The following LYAR variants were observed in gnomAD, a reference collection of about 807,000 sequenced individuals.
LYAR encodes Ly1 antibody reactive.
A neutral mutation model predicts 45.2 loss-of-function variants in LYAR; 37 were observed. That is an observed-to-expected ratio of 0.82 (90% CI 0.63 to 1.08). The LOEUF (loss-of-function observed/expected upper bound fraction) is 1.08. Among genes scored for constraint, LYAR ranks in the 50% least tolerant of loss-of-function variants. The probability of loss-of-function intolerance (pLI) is 0.00; values close to 1 mark genes in which losing one functional copy is unlikely to be tolerated. For missense variants in LYAR, 493 were observed against 451.0 expected, an observed-to-expected ratio of 1.09 and a Z score of -0.84; for synonymous variants, 176 against 155.1, an observed-to-expected ratio of 1.14 and a Z score of -1.00.
chr4:4,285,197 C>T (rs1462642200), intron 2 of LYAR, among the ~76,000 whole-genome samples: 6 of 152,152 alleles, frequency 3.9e-5, no homozygotes, highest in African/African-American at 1.2e-4. Flanking sequence ...TCCCAGGCCC[C>T]GCTCCTCAGC....
At chr4:4,270,110 G>A (rs1718872742) in intron 8 of LYAR, among the ~76,000 whole-genome samples, 1 of 151,880 alleles carries the variant, frequency 6.6e-6, no homozygotes, top group African/African-American at 2.4e-5. Context: ...TAACTACCCA[G>A]GAAGATTGCT....
chr4:4,274,529 T>C lies in LYAR; in HGVS notation c.670A>G (p.Lys224Glu), dbSNP rs1719099176. The change falls in exon 7 of 10, where the codon AAA (lysine) becomes GAA (glutamate). Residue 224 changes from lysine to glutamate, a missense_variant. Lys to Glu is a moderately conservative substitution (Grantham distance 56). Coordinates refer to ENST00000343470, the MANE Select transcript of LYAR (RefSeq NM_017816.3). ...NSRNQKPKKR[K>E]KGQEADLEAG... ...TCAAGGTCAGCCTCCTGTCCCTTTT[T>C]GCGCTTCTTAGGCTTCTGATTCCTT... is the stretch of plus-strand genomic sequence containing the variant. 3 of 1,614,130 alleles carry C rather than the reference T, an allele frequency of 1.9e-6. No individual in the cohort carries two copies. Among genetic ancestry groups the C allele is most frequent in the East Asian group, 2.2e-5 (1 of 44,894 alleles).
chr4:4,283,530 T>C, intron 3 of LYAR, 91 bp downstream of exon 3: 1 of 1,340,676 alleles, frequency 7.5e-7, no homozygotes, highest in Non-Finnish European at 1.0e-6. Flanking sequence ...ATTCTTCAAA[T>C]TTGCCACTAT....
rs952002436 is a variant in LYAR, at chr4:4,279,362, T to A, written c.429+85A>T. The stretch of plus-strand genomic sequence containing the variant: ...AATAAAAATAAAAAAGAAGGCTGCC[T>A]TGACTTCCAAAAATAAGAAATTCCC... On this transcript the variant is annotated intron_variant, in intron 6 of 9. Coordinates refer to ENST00000343470, the MANE Select transcript of LYAR (RefSeq NM_017816.3). The A allele has an allele frequency of 1.5e-5, 14 of 953,962 alleles. No homozygotes were observed. In the African/African-American group the frequency reaches 1.5e-4, roughly 10 times the overall value. 59.1% of individuals were successfully genotyped at this position (953,962 alleles called of 1,614,324 possible).
chr4:4,268,625 AAAT>A lies in LYAR; in HGVS notation c.920-13_920-11del. 1 of 1,517,838 alleles carries A rather than the reference AAAT, an allele frequency of 6.6e-7. No homozygotes were observed. Among genetic ancestry groups the A allele is most frequent in the Middle Eastern group, 2.0e-4 (1 of 4,982 alleles). The allele number at this position is 1,517,838 out of a possible 1,614,324, so 94.0% of individuals were successfully genotyped here. Reference sequence around the variant, plus strand: ...TTCCAGTTGAATTTACCTACAATATAAATAATAATATTTAAGACATTTCGTTTT... The same window carrying A: ...TTCCAGTTGAATTTACCTACAATATAAATAATATTTAAGACATTTCGTTTT... On this transcript the variant is annotated splice_polypyrimidine_tract_variant and intron_variant, in intron 8 of 9. Transcript: ENST00000343470.
intron 6 of LYAR, among the ~76,000 whole-genome samples, chr4:4,275,605 C>T (rs1719146599): frequency 6.6e-6 from 1 of 151,784 alleles, no homozygotes; most frequent in African/African-American, 2.4e-5. Flanking sequence ...CTATCAAAAC[C>T]GGAAAATTGT....
intron 9 of LYAR, 71 bp from the exon 10 acceptor site, chr4:4,268,094 C>T: frequency 7.5e-7 from 1 of 1,331,490 alleles, no homozygotes; most frequent in Non-Finnish European, 9.9e-7. Context: ...TGTCTTTAAC[C>T]CAGAAATAGA....
At chr4:4,283,499 C>G (rs1053989803) in intron 3 of LYAR, 122 bp downstream of exon 3, 5 of 1,018,554 alleles carry the variant, frequency 4.9e-6, no homozygotes, top group African/African-American at 1.6e-5. Context: ...ATGGAACATA[C>G]CAGTTTTTAG....
chr4:4,280,832 CTATTATCAAATGGAA>C (rs1414290418), intron 4 of LYAR, among the ~76,000 whole-genome samples: 2 of 152,230 alleles, frequency 1.3e-5, no homozygotes, highest in African/African-American at 4.8e-5. Flanking sequence ...CGTTCCAACT[CTATTATCAAATGGAA>C]CGATTACTTT....
At chr4:4,268,440 T>C in intron 9 of LYAR, 90 bp downstream of exon 9, 1 of 880,580 alleles carries the variant, frequency 1.1e-6, no homozygotes, top group Non-Finnish European at 1.8e-6. Context: ...TTCAGTGTTT[T>C]AGGTGAAAAA....
intron 4 of LYAR, among the ~76,000 whole-genome samples, chr4:4,280,531 C>A (rs1190864145): frequency 6.6e-6 from 1 of 152,140 alleles, no homozygotes; most frequent in Non-Finnish European, 1.5e-5. Flanking sequence ...AAACTTATTA[C>A]AAAGCTGTAA....
intron 8 of LYAR, among the ~76,000 whole-genome samples, chr4:4,270,473 C>G (rs901509393): frequency 6.7e-6 from 1 of 149,528 alleles, no homozygotes; most frequent in African/African-American, 2.5e-5. Flanking sequence ...AATTCACAAA[C>G]TGTTATGTCC....
intron 3 of LYAR, among the ~76,000 whole-genome samples, chr4:4,283,139 G>T (rs940437098): frequency 6.6e-6 from 1 of 152,110 alleles, no homozygotes; most frequent in African/African-American, 2.4e-5. Context: ...AAAGCAAATT[G>T]TTTCGTAAAG....
At chr4:4,271,104 T>C (rs937281555) in intron 8 of LYAR, among the ~76,000 whole-genome samples, 1 of 152,120 alleles carries the variant, frequency 6.6e-6, no homozygotes, top group Non-Finnish European at 1.5e-5. Flanking sequence ...AAATACTAGA[T>C]CTTATTCATT....
intron 8 of LYAR, among the ~76,000 whole-genome samples, chr4:4,271,925 C>A (rs1286960755): frequency 6.6e-6 from 1 of 152,234 alleles, no homozygotes; most frequent in Non-Finnish European, 1.5e-5. Context: ...GAATATTGGT[C>A]AGTTCAGCAA....
intron 9 of LYAR, among the ~76,000 whole-genome samples, chr4:4,268,320 A>T (rs544559254): frequency 6.6e-6 from 1 of 152,294 alleles, no homozygotes; most frequent in African/African-American, 2.4e-5. Context: ...AAATAAATGG[A>T]GCCTCTCTTC....
At chr4:4,281,343 C>CT (rs1175270285) in intron 4 of LYAR, among the ~76,000 whole-genome samples, 9 of 147,374 alleles carry the variant, frequency 6.1e-5, no homozygotes, top group Middle Eastern at 3.4e-3. Flanking sequence ...TTTTCTTTTT[C>CT]TTTTTTTTTG....
rs879010109 is a variant in LYAR at position 4,277,691 on chromosome 4, G to A, written c.429+1756C>T. On this transcript the variant is annotated intron_variant, in intron 6 of 9. Coordinates refer to ENST00000343470, the MANE Select transcript of LYAR (RefSeq NM_017816.3). ...GGACCTGACATTACACCATGGACCC[G>A]CACGTGGTGCCTATCTCCCCCACTA... 5.9e-5 allele frequency among the ~76,000 whole-genome samples: 9 copies of A among 152,118 alleles called. 1 individual carries two copies. The highest frequency in any genetic ancestry group is 2.0e-4 in the Admixed American group (3 of 15,270).
Position 4,283,810 on chromosome 4 carries a change from AC to A in LYAR, c.-53-16del. 7.8e-7 allele frequency: 1 copy of A among 1,281,448 alleles called. No individual in the cohort carries two copies. The allele number at this position is 1,281,448 out of a possible 1,614,324, so 79.4% of individuals were successfully genotyped here. A position where few individuals can be genotyped will look rare whatever the true frequency, so the allele number is the denominator to read the frequency against. ...TAAGTCTTGTCCTAAGGAAAAAAAG[AC>A]AATTATAATTATAAACTGAAACTTC... is the stretch of plus-strand genomic sequence containing the variant. On this transcript the variant is annotated splice_polypyrimidine_tract_variant and intron_variant, in intron 2 of 9. Transcript: ENST00000343470.
Sources: allele counts gnomAD v4.1 joint callset (sites outside exome capture counted in the v4.1 genomes callset), GRCh38; gene constraint gnomAD v4.1.1; transcripts MANE v1.5; gene names NCBI Gene and HGNC (gene_info 2026-07-23, HGNC 2026-07-21).